The following CHRNA9 variants were observed in gnomAD, a reference collection of about 807,000 sequenced individuals.
CHRNA9 encodes the protein cholinergic receptor nicotinic alpha 9 subunit, also known as neuronal acetylcholine receptor subunit alpha-9.
In CHRNA9, 24 loss-of-function variants were observed where a neutral mutation model predicts 36.8. The ratio of observed to expected loss-of-function variants is 0.65; its 90% CI spans 0.47 to 0.92. CHRNA9 has a LOEUF of 0.92. Among genes scored for constraint, CHRNA9 ranks in the 40% least tolerant of loss-of-function variants. The pLI, the probability that CHRNA9 is intolerant of heterozygous loss-of-function variation, is 0.00. For synonymous variants in CHRNA9, 231 were observed against 231.8 expected, an observed-to-expected ratio of 1.00 and a Z score of 0.03; for missense variants, 610 against 601.2, an observed-to-expected ratio of 1.01 and a Z score of -0.15.
chr4:40,343,179 G>A (rs965838428), intron 3 of CHRNA9, among the ~76,000 whole-genome samples: 1 of 152,158 alleles, frequency 6.6e-6, no homozygotes, highest in Non-Finnish European at 1.5e-5. Context: ...TCGCTCAATT[G>A]CAAAACAACT....
chr4:40,335,415 G>A lies in CHRNA9; in HGVS notation c.-53G>A. 7.3e-7 allele frequency: 1 copy of A among 1,365,238 alleles called. No individual in the cohort carries two copies. The highest frequency in any genetic ancestry group is 1.0e-6 in the Non-Finnish European group (1 of 952,700). The allele number at this position is 1,365,238 out of a possible 1,614,324, so 84.6% of individuals were successfully genotyped here. ...AGATCCTTTGTATTCATAGGGGGAA[G>A]TGGAAGACCACGCTGCCTGACTGAG... On this transcript the variant is annotated 5_prime_UTR_variant, in exon 1 of 5. The change creates a new upstream start codon in the 5' untranslated region. Coordinates refer to ENST00000310169, the MANE Select transcript of CHRNA9 (RefSeq NM_017581.4).
intron 4 of CHRNA9, 39 bp downstream of exon 4, chr4:40,349,453 A>G (rs749298802): frequency 4.4e-6 from 7 of 1,578,210 alleles, no homozygotes; most frequent in African/African-American, 2.7e-5. Flanking sequence ...CCAGCTTTGT[A>G]GTGCCTGGGG....
chr4:40,338,317 G>A (rs1712385141), intron 3 of CHRNA9: 2 of 152,228 alleles, frequency 1.3e-5, no homozygotes, highest in Admixed American at 6.5e-5. Flanking sequence ...TACAGATTGT[G>A]ATTCCATGGG....
intron 3 of CHRNA9, 142 bp downstream of exon 3, chr4:40,337,506 C>CTCTT: frequency 1.0e-6 from 1 of 981,878 alleles, no homozygotes; most frequent in Non-Finnish European, 1.4e-6. Context: ...AAATAAGAGA[C>CTCTT]ATAGAATCTT....
At chr4:40,340,498 G>A (rs1294466136) in intron 3 of CHRNA9, among the ~76,000 whole-genome samples, 2 of 152,140 alleles carry the variant, frequency 1.3e-5, no homozygotes, top group African/African-American at 2.4e-5. Context: ...CCTTAGTCAT[G>A]GCTATTTCCC....
intron 3 of CHRNA9, among the ~76,000 whole-genome samples, chr4:40,343,879 C>T (rs1450653582): frequency 1.3e-5 from 2 of 152,138 alleles, no homozygotes; most frequent in Non-Finnish European, 2.9e-5. Flanking sequence ...TAAAGATGTC[C>T]ACATCCTAAT....
At chr4:40,338,662 A>G (rs919400263) in intron 3 of CHRNA9, among the ~76,000 whole-genome samples, 1 of 151,884 alleles carries the variant, frequency 6.6e-6, no homozygotes, top group African/African-American at 2.4e-5. Context: ...TTACTCAGAG[A>G]GCTCATCTAA....
In CHRNA9 at chr4:40,337,362, C is replaced by G. The variant is rs1253945826; in HGVS notation, c.363C>G (p.Asn121Lys). 1.2e-6 allele frequency: 2 copies of G among 1,613,606 alleles called. No individual in the cohort carries two copies. Among genetic ancestry groups the G allele is most frequent in the Non-Finnish European group, 1.7e-6 (2 of 1,179,656 alleles). Residue 121 changes from asparagine to lysine, a missense_variant and splice_region_variant, in exon 3 of 5, where the codon AAC becomes AAG. Asn to Lys is a moderately conservative substitution (Grantham distance 94). Coordinates refer to ENST00000310169, the MANE Select transcript of CHRNA9 (RefSeq NM_017581.4). ...LVWRPDIVLY[N>K]KADDESSEPV... ...GGAGGCCAGACATCGTCTTATATAA[C>G]AAGTAAGTGCAGCTCAGAACTGAGG...
Position 40,337,816 on chromosome 4 carries a change from A to T in CHRNA9, c.365+452A>T, listed in dbSNP as rs146046275. 3.9e-3 allele frequency among the ~76,000 whole-genome samples: 591 copies of T among 152,248 alleles called. 12 individuals carry two copies. Among genetic ancestry groups the T allele is most frequent in the East Asian group, 0.038 (195 of 5,186 alleles). On this transcript the variant is annotated intron_variant, in intron 3 of 4. Transcript: ENST00000310169. The stretch of plus-strand genomic sequence containing the variant: ...GCTGGCAGTCTTTGGTGTTCTTGGC[A>T]TTATAGAAGCGTCACTCTGAGCTCT...
At chr4:40,345,811 G>A (rs1712622565) in intron 3 of CHRNA9, among the ~76,000 whole-genome samples, 1 of 152,180 alleles carries the variant, frequency 6.6e-6, no homozygotes, top group Non-Finnish European at 1.5e-5. Context: ...GATCACCTGA[G>A]GTCAGGAGTT....
At chr4:40,347,396 T>C (rs997104698) in intron 3 of CHRNA9, among the ~76,000 whole-genome samples, 5 of 152,206 alleles carry the variant, frequency 3.3e-5, no homozygotes, top group Non-Finnish European at 7.3e-5. Flanking sequence ...ATACAAAAAC[T>C]GGAACCAACC....
At chr4:40,350,056 T>G (rs148663308) in intron 4 of CHRNA9, 7 of 152,424 alleles carry the variant, frequency 4.6e-5, no homozygotes, top group African/African-American at 1.7e-4. Flanking sequence ...AAACAGTGAC[T>G]ACTGTTATCA....
Position 40,355,033 on chromosome 4 carries a change from A to T in CHRNA9, c.*513A>T, listed in dbSNP as rs373342310. The T allele has an allele frequency of 2.6e-5, 4 of 153,240 alleles. No individual in the cohort carries two copies. The highest frequency in any genetic ancestry group is 7.2e-5 in the African/African-American group (3 of 41,592). 9.5% of individuals were successfully genotyped at this position (153,240 alleles called of 1,614,324 possible). ...TAAAAGGTTTTGTCCCATGTAAAGA[A>T]AGTCTAAGCATCAGCTGTTTAATGG... On this transcript the variant is annotated 3_prime_UTR_variant, in exon 5 of 5. Coordinates refer to ENST00000310169, the MANE Select transcript of CHRNA9 (RefSeq NM_017581.4).
Position 40,337,319 on chromosome 4 carries a change from T to A in CHRNA9, c.320T>A (p.Ile107Asn), listed in dbSNP as rs760757245. 35 of 1,614,184 alleles carry A rather than the reference T, an allele frequency of 2.2e-5. No homozygotes were observed. The South Asian group carries it at 3.1e-4, about 14-fold the overall frequency. The change falls in exon 3 of 5, where the codon ATC (isoleucine) becomes AAC (asparagine). Residue 107 changes from isoleucine (I) to asparagine (N), a missense_variant. By Grantham distance (149) the Ile-to-Asn change is moderately radical. Transcript: ENST00000310169. ...TACGATGGCCTAGACTCCATCAGGA[T>A]CCCCAGTGACCTCGTGTGGAGGCCA... ...DQYDGLDSIR[I>N]PSDLVWRPDI...
intron 4 of CHRNA9, among the ~76,000 whole-genome samples, 192 bp from the exon 5 acceptor site, chr4:40,353,787 C>T (rs1224761689): frequency 6.6e-6 from 1 of 152,216 alleles, no homozygotes; most frequent in Non-Finnish European, 1.5e-5. Flanking sequence ...CAGGCTACAC[C>T]ATTCAACCTA....
intron 2 of CHRNA9, 91 bp from the exon 3 acceptor site, chr4:40,337,119 T>G: frequency 8.4e-7 from 1 of 1,188,640 alleles, no homozygotes; most frequent in Non-Finnish European, 1.2e-6. Flanking sequence ...TGAGTGTTTG[T>G]GAAATTCCTA....
chr4:40,349,176 C>T lies in CHRNA9; in HGVS notation c.660C>T (p.Cys220=). Residue 220 remains cysteine (C), a synonymous_variant, in exon 4 of 5, where the codon TGC becomes TGT. Transcript: ENST00000310169. ...AGAATGTGATCTCCTATGGCTGCTG[C>T]TCTGAGCCTTACCCGGATGTCACAT... ...AVKNVISYGC[C]SEPYPDVTFT... The T allele has an allele frequency of 6.2e-7, 1 of 1,614,180 alleles. No homozygotes were observed. The highest frequency in any genetic ancestry group is 1.3e-5 in the African/African-American group (1 of 75,040).
chr4:40,352,400 T>C (rs1227491241), intron 4 of CHRNA9, among the ~76,000 whole-genome samples: 2 of 152,148 alleles, frequency 1.3e-5, no homozygotes, highest in Admixed American at 6.6e-5. Context: ...GTTTTTTATA[T>C]TTTTAGTAGA....
rs201573325 is a variant in CHRNA9 at position 40,348,928 on chromosome 4, C to A, written c.412C>A (p.Arg138=). ...SEPVNTNVVL[R]YDGLITWDAP... ...GCCTGTGAACACCAATGTGGTCCTGCGGTATGATGGGCTGATCACCTGGGA... is the reference window on the plus strand; with the variant it reads ...GCCTGTGAACACCAATGTGGTCCTGAGGTATGATGGGCTGATCACCTGGGA... The change falls in exon 4 of 5, where the codon CGG becomes AGG. Residue 138 remains arginine (R), a synonymous_variant. Coordinates refer to ENST00000310169, the MANE Select transcript of CHRNA9 (RefSeq NM_017581.4). The A allele has an allele frequency of 1.2e-6, 2 of 1,614,126 alleles. No individual in the cohort carries two copies. The highest frequency in any genetic ancestry group is 2.2e-5 in the South Asian group (2 of 91,076).
Sources: allele counts gnomAD v4.1 joint callset (sites outside exome capture counted in the v4.1 genomes callset), GRCh38; gene constraint gnomAD v4.1.1; transcripts MANE v1.5; gene names NCBI Gene and HGNC (gene_info 2026-07-23, HGNC 2026-07-21).